APOBEC3D: variants seen among roughly 807,000 people sequenced by gnomAD.
The protein encoded by APOBEC3D is apolipoprotein B mRNA editing enzyme catalytic subunit 3D.
APOBEC3D carries 37 observed loss-of-function variants against 45.6 expected under a neutral mutation model. The ratio of observed to expected loss-of-function variants is 0.81; its 90% CI spans 0.62 to 1.07. The LOEUF (loss-of-function observed/expected upper bound fraction) is 1.07. Ranked by LOEUF, APOBEC3D falls within the 50% of genes least tolerant of loss-of-function variation. APOBEC3D has a pLI of 0.00. For synonymous variants in APOBEC3D, 175 were observed against 180.7 expected, an observed-to-expected ratio of 0.97 and a Z score of 0.25; for missense variants, 496 against 495.3, an observed-to-expected ratio of 1.00 and a Z score of -0.01.
rs749481008 is a variant in APOBEC3D at position 39,023,046 on chromosome 22, G to A, written c.210+32G>A. ...AGCTGGGAATGCAGAAAACACATAA[G>A]TAAAATGTCTGGCGGCGGGCTCTCA... On this transcript the variant is annotated intron_variant, in intron 2 of 6. Coordinates refer to ENST00000216099, the MANE Select transcript of APOBEC3D (RefSeq NM_152426.4). 2.7e-6 allele frequency: 4 copies of A among 1,500,464 alleles called. No homozygotes were observed. In the African/African-American group the frequency reaches 5.7e-5, roughly 21 times the overall value. The allele number at this position is 1,500,464 out of a possible 1,614,324, so 92.9% of individuals were successfully genotyped here. A position where few individuals can be genotyped will look rare whatever the true frequency, so the allele number is the denominator to read the frequency against.
At chr22:39,029,165 C>T (rs1011533558) in intron 4 of APOBEC3D, among the ~76,000 whole-genome samples, 198 bp from the exon 5 acceptor site, 29 of 152,154 alleles carry the variant, frequency 1.9e-4, no homozygotes, top group Non-Finnish European at 8.8e-5. Flanking sequence ...TAGGAGAGGT[C>T]ACCCTGTCCC....
At chr22:39,026,235 G>A (rs904673785) in intron 4 of APOBEC3D, among the ~76,000 whole-genome samples, 4 of 152,138 alleles carry the variant, frequency 2.6e-5, no homozygotes, top group African/African-American at 4.8e-5. Flanking sequence ...CTCTGTGGCC[G>A]CTCCTCCTGG....
At position 39,033,269 on chromosome 22, in the gene APOBEC3D, T is replaced by C; in HGVS notation, c.*953T>C. 1.0e-6 allele frequency: 1 copy of C among 977,972 alleles called. No individual in the cohort carries two copies. Among genetic ancestry groups the C allele is most frequent in the Non-Finnish European group, 1.2e-6 (1 of 823,132 alleles). The allele number at this position is 977,972 out of a possible 1,614,324, so 60.6% of individuals were successfully genotyped here. ...TAAATGGATATGAATATATGTAAGTTGAAAACCAGTTTTGAGAAACATCCT... is the reference window on the plus strand; with the variant it reads ...TAAATGGATATGAATATATGTAAGTCGAAAACCAGTTTTGAGAAACATCCT... On this transcript the variant is annotated 3_prime_UTR_variant, in exon 7 of 7. Transcript: ENST00000216099.
rs539447456 is a variant in APOBEC3D at position 39,031,693 on chromosome 22, G to A, written c.763-1G>A. ...CTGCCCTCCTCCTCCTCCTTCCCCA[G>A]GTGGATCCTGAGACCCATTGTCATG... On this transcript the variant is annotated splice_acceptor_variant, in intron 5 of 6. Transcript: ENST00000216099. LOFTEE classifies it high-confidence loss of function. 1 of 1,611,238 alleles carries A rather than the reference G, an allele frequency of 6.2e-7. No homozygotes were observed. Among genetic ancestry groups the A allele is most frequent in the East Asian group, 2.2e-5 (1 of 44,834 alleles).
At chr22:39,023,602 G>T (rs543394462) in intron 2 of APOBEC3D, among the ~76,000 whole-genome samples, 2 of 151,428 alleles carry the variant, frequency 1.3e-5, no homozygotes, top group Non-Finnish European at 2.9e-5. Context: ...GCACGCCACC[G>T]TGCCCAGCTA....
intron 4 of APOBEC3D, among the ~76,000 whole-genome samples, chr22:39,027,400 G>T (rs559210107): frequency 3.2e-4 from 48 of 152,114 alleles, no homozygotes; most frequent in African/African-American, 1.1e-3. Flanking sequence ...CATAGCTACC[G>T]GGTGGGGGGC....
At chr22:39,032,019 T>C in intron 6 of APOBEC3D, 46 bp downstream of exon 6, 1 of 1,609,364 alleles carries the variant, frequency 6.2e-7, no homozygotes, top group Non-Finnish European at 8.5e-7. Flanking sequence ...AGGGACAGCA[T>C]GAGGGGCAGG....
Position 39,021,483 on chromosome 22 carries a change from G to T in APOBEC3D, c.-37G>T. Reference sequence around the variant, plus strand: ...GTGAAACCACAGCACTTCAAAAAAAGAGGGAGACTGGGACAAGCGTATCTA... The same window carrying T: ...GTGAAACCACAGCACTTCAAAAAAATAGGGAGACTGGGACAAGCGTATCTA... On this transcript the variant is annotated 5_prime_UTR_variant, in exon 1 of 7. Transcript: ENST00000216099. The T allele has an allele frequency of 1.9e-6, 3 of 1,614,156 alleles. No homozygotes were observed. The highest frequency in any genetic ancestry group is 2.5e-6 in the Non-Finnish European group (3 of 1,179,992).
intron 4 of APOBEC3D, among the ~76,000 whole-genome samples, chr22:39,026,366 G>A (rs1925665824): frequency 6.6e-6 from 1 of 152,214 alleles, no homozygotes; most frequent in Non-Finnish European, 1.5e-5. Flanking sequence ...GACAGGATTA[G>A]GGCCCACCCT....
intron 5 of APOBEC3D, 120 bp downstream of exon 5, chr22:39,029,639 T>TTA: frequency 3.3e-6 from 4 of 1,200,246 alleles, no homozygotes; most frequent in East Asian, 2.7e-5. Context: ...TTACATTTCT[T>TTA]TCTTTTTTTT....
chr22:39,030,876 G>T, intron 5 of APOBEC3D, among the ~76,000 whole-genome samples: 1 of 152,072 alleles, frequency 6.6e-6, no homozygotes, highest in Admixed American at 6.5e-5. Flanking sequence ...GGCCAAGCGC[G>T]GTGGCTCACG....
rs1191423899 is a variant in APOBEC3D at position 39,021,536 on chromosome 22, G to C, written c.17G>C (p.Arg6Thr). MNPQI[R>T]NPMERMYRDT... Reference sequence around the variant, plus strand: ...AGGCTGAACATGAATCCACAGATCAGGTACCGCTGCCCACTATGTCCGCAG... The same window carrying C: ...AGGCTGAACATGAATCCACAGATCACGTACCGCTGCCCACTATGTCCGCAG... The change falls in exon 1 of 7, where the codon AGA becomes ACA. Residue 6 changes from arginine to threonine, a missense_variant and splice_region_variant. By Grantham distance (71) the Arg-to-Thr change is moderately conservative. Transcript: ENST00000216099. 10 of 1,614,050 alleles carry C rather than the reference G, an allele frequency of 6.2e-6. No homozygotes were observed. Among genetic ancestry groups the C allele is most frequent in the Non-Finnish European group, 7.6e-6 (9 of 1,180,022 alleles).
intron 4 of APOBEC3D, among the ~76,000 whole-genome samples, chr22:39,025,969 A>G (rs1925620479): frequency 6.6e-6 from 1 of 152,192 alleles, no homozygotes; most frequent in Non-Finnish European, 1.5e-5. Context: ...TCTCCCTGGC[A>G]TAACCGAATT....
intron 5 of APOBEC3D, among the ~76,000 whole-genome samples, chr22:39,030,498 A>C (rs1601473204): frequency 6.6e-6 from 1 of 152,176 alleles, no homozygotes; most frequent in Admixed American, 6.5e-5. Context: ...GCATTAGCTC[A>C]ATTATCTCAC....
intron 2 of APOBEC3D, among the ~76,000 whole-genome samples, chr22:39,023,484 G>C (rs1243701113): frequency 8.3e-6 from 1 of 121,208 alleles, no homozygotes. Context: ...TTTTACTCTT[G>C]TTGCCCAGGC....
chr22:39,021,961 T>C (rs937552179), intron 1 of APOBEC3D, among the ~76,000 whole-genome samples: 3 of 152,176 alleles, frequency 2.0e-5, no homozygotes, highest in African/African-American at 7.2e-5. Context: ...AAATACAAAG[T>C]CTTAGGAGAG....
chr22:39,027,062 C>T (rs972544978), intron 4 of APOBEC3D, among the ~76,000 whole-genome samples: 3 of 152,114 alleles, frequency 2.0e-5, no homozygotes, highest in Non-Finnish European at 4.4e-5. Context: ...AACCAGGGAC[C>T]AGAGAGGCCC....
chr22:39,027,284 G>C (rs1293888544), intron 4 of APOBEC3D, among the ~76,000 whole-genome samples: 1 of 152,040 alleles, frequency 6.6e-6, no homozygotes, highest in Non-Finnish European at 1.5e-5. Flanking sequence ...ATCCTGGGGG[G>C]ACATCTGAGG....
chr22:39,025,844 T>G (rs1925604751), intron 4 of APOBEC3D, among the ~76,000 whole-genome samples, 173 bp downstream of exon 4: 1 of 150,900 alleles, frequency 6.6e-6, no homozygotes, highest in Non-Finnish European at 1.5e-5. Flanking sequence ...GCCTCCCCCC[T>G]GCTTTCCTGG....
Sources: gnomAD v4.1 joint callset for allele counts (sites outside exome capture counted in the v4.1 genomes callset) on GRCh38, gnomAD v4.1.1 for gene constraint, MANE v1.5 for transcripts, NCBI Gene and HGNC (gene_info 2026-07-23, HGNC 2026-07-21) for gene names.